The following RFC1 variants were observed in gnomAD, a reference collection of about 807,000 sequenced individuals.
The protein encoded by RFC1 is replication factor C subunit 1.
Under a neutral mutation model 137.4 loss-of-function variants are expected in RFC1, and 37 were observed. The ratio of observed to expected loss-of-function variants is 0.27; its 90% CI spans 0.21 to 0.35. RFC1 has a LOEUF of 0.35. RFC1 is among the 10% of genes least tolerant of loss of function. The probability of loss-of-function intolerance (pLI) is 1.00; values close to 1 mark genes in which losing one functional copy is unlikely to be tolerated. For missense variants in RFC1, 1,205 were observed against 1,358.5 expected, an observed-to-expected ratio of 0.89 and a Z score of 1.78; for synonymous variants, 429 against 455.7, an observed-to-expected ratio of 0.94 and a Z score of 0.75.
chr4:39,291,357 C>T (rs1737665785), intron 23 of RFC1, among the ~76,000 whole-genome samples: 1 of 152,184 alleles, frequency 6.6e-6, no homozygotes, highest in South Asian at 2.1e-4. Flanking sequence ...TCCACTCATC[C>T]TTTATAAAGA....
chr4:39,343,948 A>G (rs1428809584), intron 3 of RFC1, among the ~76,000 whole-genome samples: 1 of 152,024 alleles, frequency 6.6e-6, no homozygotes, highest in Non-Finnish European at 1.5e-5. Flanking sequence ...CCCCTTTTCT[A>G]CTAAAAGCTA....
chr4:39,314,781 T>C (rs1247791583), intron 10 of RFC1, among the ~76,000 whole-genome samples: 1 of 152,190 alleles, frequency 6.6e-6, no homozygotes, highest in Non-Finnish European at 1.5e-5. Flanking sequence ...TGTACTTATA[T>C]ATACCAAGCA....
chr4:39,328,120 C>A (rs1029259975), intron 4 of RFC1, among the ~76,000 whole-genome samples: 6 of 152,130 alleles, frequency 3.9e-5, no homozygotes, highest in African/African-American at 1.4e-4. Context: ...ACAACAAAGA[C>A]CCTGTCTCAA....
rs1321450394 is a variant in RFC1, at chr4:39,290,030, C to T, written c.3178G>A (p.Ala1060Thr). 1 of 1,609,374 alleles carries T rather than the reference C, an allele frequency of 6.2e-7. No individual in the cohort carries two copies. Among genetic ancestry groups the T allele is most frequent in the Non-Finnish European group, 8.5e-7 (1 of 1,177,716 alleles). ...FSKLDPKVKA[A>T]FTRAYNKEAH... The stretch of plus-strand genomic sequence containing the variant: ...TCCTTATTGTAAGCTCTTGTGAAGG[C>T]TGCTTTCACCTATATGAAAGGAGTA... The change falls in exon 24 of 25, where the codon GCC becomes ACC. Residue 1060 changes from alanine (A) to threonine (T), a missense_variant. Physicochemically the swap from Ala to Thr is moderately conservative, Grantham distance 58. This residue lies in a region of RFC1 where 237 missense variants were observed against 304.2 expected (regional missense o/e 0.78). Coordinates refer to ENST00000349703, the MANE Select transcript of RFC1 (RefSeq NM_002913.5).
intron 19 of RFC1, among the ~76,000 whole-genome samples, chr4:39,300,891 C>T (rs1341523160): frequency 1.3e-5 from 2 of 151,868 alleles, no homozygotes; most frequent in African/African-American, 2.4e-5. Context: ...GTCAGGAGTT[C>T]GAGACCAGCC....
intron 6 of RFC1, 101 bp from the exon 7 acceptor site, chr4:39,323,518 C>T: frequency 1.0e-6 from 1 of 968,098 alleles, no homozygotes; most frequent in South Asian, 1.5e-5. Flanking sequence ...ACTAGAAAAA[C>T]ATTTTCCAGA....
chr4:39,300,197 C>A (rs577502509), intron 20 of RFC1, 59 bp from the exon 21 acceptor site: 16 of 1,610,266 alleles, frequency 9.9e-6, no homozygotes, highest in Non-Finnish European at 1.2e-5. Flanking sequence ...CCCTTCTTCA[C>A]GGGTATTTAG....
chr4:39,316,949 C>T lies in RFC1; in HGVS notation c.1169G>A (p.Gly390Asp). The T allele has an allele frequency of 6.2e-7, 1 of 1,613,980 alleles. No individual in the cohort carries two copies. Among genetic ancestry groups the T allele is most frequent in the Non-Finnish European group, 8.5e-7 (1 of 1,179,862 alleles). Residue 390 changes from glycine (G) to aspartate (D), a missense_variant, in exon 10 of 25, where the codon GGT (glycine) becomes GAT (aspartate). Coordinates refer to ENST00000349703, the MANE Select transcript of RFC1 (RefSeq NM_002913.5). Reference protein sequence around the residue: ...QAYRSYLNREGPKALGSKEIP... With the variant: ...QAYRSYLNREDPKALGSKEIP... ...TTCTTTGGAGCCCAGAGCCTTGGGACCTTCTCGATTTAAGTAGCTTCGATA... is the reference window on the plus strand; with the variant it reads ...TTCTTTGGAGCCCAGAGCCTTGGGATCTTCTCGATTTAAGTAGCTTCGATA...
chr4:39,309,515 C>A (rs17335160), intron 12 of RFC1, among the ~76,000 whole-genome samples: 6,039 of 152,342 alleles, frequency 0.04, 159 homozygotes, highest in Non-Finnish European at 0.063. Context: ...AGCACTGATA[C>A]ATGCTACAAC....
intron 23 of RFC1, among the ~76,000 whole-genome samples, chr4:39,290,556 T>C (rs764136074): frequency 6.6e-6 from 1 of 152,172 alleles, no homozygotes; most frequent in Non-Finnish European, 1.5e-5. Flanking sequence ...GGCTCACGCC[T>C]GTAATCCCAG....
At chr4:39,332,840 G>A (rs975457725) in intron 4 of RFC1, among the ~76,000 whole-genome samples, 10 of 152,160 alleles carry the variant, frequency 6.6e-5, no homozygotes, top group Non-Finnish European at 1.2e-4. Context: ...TTGAAGGGCC[G>A]GACATGGTGG....
chr4:39,326,754 A>G (rs1166986124), intron 5 of RFC1, 114 bp from the exon 6 acceptor site: 1 of 759,242 alleles, frequency 1.3e-6, no homozygotes, highest in East Asian at 2.7e-5. Flanking sequence ...TGTATCTATC[A>G]GTAACAGCTG....
chr4:39,360,705 A>G (rs561948897), intron 1 of RFC1, among the ~76,000 whole-genome samples: 1 of 152,254 alleles, frequency 6.6e-6, no homozygotes, highest in Non-Finnish European at 1.5e-5. Flanking sequence ...ACTGCACTCC[A>G]GCCTGAGCAA....
intron 1 of RFC1, among the ~76,000 whole-genome samples, chr4:39,356,167 G>A (rs1349097818): frequency 3.3e-5 from 5 of 152,206 alleles, no homozygotes; most frequent in Non-Finnish European, 5.9e-5. Context: ...TTGGGAGGCC[G>A]AGGCGGGTGG....
At chr4:39,340,612 A>G (rs1174920588) in intron 4 of RFC1, among the ~76,000 whole-genome samples, 1 of 152,190 alleles carries the variant, frequency 6.6e-6, no homozygotes, top group Non-Finnish European at 1.5e-5. Flanking sequence ...AATTTGAAAA[A>G]GCTGCACTTT....
intron 4 of RFC1, 109 bp from the exon 5 acceptor site, chr4:39,327,865 C>T: frequency 3.6e-6 from 3 of 836,064 alleles, no homozygotes; most frequent in African/African-American, 1.7e-5. Context: ...GACATGGTGG[C>T]TCATGCTTGT....
intron 19 of RFC1, among the ~76,000 whole-genome samples, chr4:39,301,088 G>A (rs1453090772): frequency 7.1e-6 from 1 of 140,830 alleles, no homozygotes; most frequent in African/African-American, 2.8e-5. Flanking sequence ...GCAAGACTCC[G>A]AAAAAAAAAA....
At chr4:39,342,297 C>CA in intron 4 of RFC1, 48 bp downstream of exon 4, 1 of 1,549,366 alleles carries the variant, frequency 6.5e-7, no homozygotes. Flanking sequence ...ACAAAAAACT[C>CA]AAGAACATAA....
At chr4:39,356,166 C>T (rs1048749915) in intron 1 of RFC1, among the ~76,000 whole-genome samples, 18 of 151,980 alleles carry the variant, frequency 1.2e-4, no homozygotes, top group African/African-American at 2.9e-4. Context: ...TTTGGGAGGC[C>T]GAGGCGGGTG....
Sources: allele counts gnomAD v4.1 joint callset (sites outside exome capture counted in the v4.1 genomes callset), GRCh38; gene constraint gnomAD v4.1.1; regional missense constraint gnomAD v4.1.1; transcripts MANE v1.5; gene names NCBI Gene and HGNC (gene_info 2026-07-23, HGNC 2026-07-21).